The following NFATC2 variants were observed in gnomAD, a reference collection of about 807,000 sequenced individuals.
The protein encoded by NFATC2 is nuclear factor of activated T cells 2.
A neutral mutation model predicts 87.3 loss-of-function variants in NFATC2; 22 were observed. The ratio of observed to expected loss-of-function variants is 0.25; its 90% CI spans 0.18 to 0.36. The LOEUF is 0.36. Among genes scored for constraint, NFATC2 ranks in the 10% least tolerant of loss-of-function variants. NFATC2 has a pLI of 1.00. For missense variants in NFATC2, 1,149 were observed against 1,259.1 expected, an observed-to-expected ratio of 0.91 and a Z score of 1.32; for synonymous variants, 565 against 542.2, an observed-to-expected ratio of 1.04 and a Z score of -0.58.
At position 51,424,388 on chromosome 20, in the gene NFATC2, G is replaced by C. The variant is rs907957075; in HGVS notation, c.2722+7679C>G. The stretch of plus-strand genomic sequence containing the variant: ...AGCTCACAACTGACAAGGAAGAGGA[G>C]GAGGAGGAAAATGTCACTGCGGTTA... On this transcript the variant is annotated intron_variant, in intron 9 of 10. Coordinates refer to ENST00000371564, the MANE Select transcript of NFATC2 (RefSeq NM_012340.5). Among the ~76,000 whole-genome samples the C allele has an allele frequency of 2.0e-4, 30 of 152,204 alleles. 1 individual carries two copies. The highest frequency in any genetic ancestry group is 1.3e-4 in the Non-Finnish European group (9 of 68,030).
chr20:51,550,237 A>C (rs1456962731), intron 1 of NFATC2, among the ~76,000 whole-genome samples: 1 of 152,172 alleles, frequency 6.6e-6, no homozygotes, highest in East Asian at 1.9e-4. Flanking sequence ...TTGAGGCTGC[A>C]GTGAGCCATG....
chr20:51,446,048 T>A (rs6096434), intron 6 of NFATC2, among the ~76,000 whole-genome samples: 211 of 152,322 alleles, frequency 1.4e-3, no homozygotes, highest in African/African-American at 4.6e-3. Flanking sequence ...CCTCCACTGA[T>A]GAACTCTGTC....
Position 51,475,722 on chromosome 20 carries a change from A to G in NFATC2, c.1333-62T>C, listed in dbSNP as rs575397311. On this transcript the variant is annotated intron_variant, in intron 3 of 10. Coordinates refer to ENST00000371564, the MANE Select transcript of NFATC2 (RefSeq NM_012340.5). ...GTGTGGTGGCTCTAATCCAATAAAC[A>G]AAAAAAGACCAGAGAGCTCATGGGC... 737 of 1,512,842 alleles carry G rather than the reference A, an allele frequency of 4.9e-4. 1 individual carries two copies. The highest frequency in any genetic ancestry group is 5.2e-4 in the Non-Finnish European group (570 of 1,102,666). The allele number at this position is 1,512,842 out of a possible 1,614,324, so 93.7% of individuals were successfully genotyped here. A position where few individuals can be genotyped will look rare whatever the true frequency, so the allele number is the denominator to read the frequency against.
Position 51,457,345 on chromosome 20 carries a change from A to G in NFATC2, c.1709-2657T>C, listed in dbSNP as rs370677795. On this transcript the variant is annotated intron_variant, in intron 5 of 10. Coordinates refer to ENST00000371564, the MANE Select transcript of NFATC2 (RefSeq NM_012340.5). ...AAGCCTGAGTCATCGCTACTGGGCA[A>G]GCCAGCCCAAGGCTTGCAGCCAGGA... 2.8e-4 allele frequency among the ~76,000 whole-genome samples: 43 copies of G among 152,304 alleles called. 1 individual carries two copies. The South Asian group carries it at 8.7e-3, about 31-fold the overall frequency.
intron 1 of NFATC2, 106 bp downstream of exon 1, chr20:51,542,264 C>A (rs1196181305): frequency 1.4e-6 from 2 of 1,399,088 alleles, no homozygotes; most frequent in Non-Finnish European, 9.5e-7. Flanking sequence ...CCCTCCAGGC[C>A]CCTTAGGAAG....
At chr20:51,520,366 G>A (rs961455472) in intron 2 of NFATC2, among the ~76,000 whole-genome samples, 1 of 151,724 alleles carries the variant, frequency 6.6e-6, no homozygotes, top group Non-Finnish European at 1.5e-5. Flanking sequence ...TGATCATGGG[G>A]CTTGTCACTT....
intron 10 of NFATC2, among the ~76,000 whole-genome samples, chr20:51,391,779 G>C (rs1986380024): frequency 1.3e-5 from 2 of 152,084 alleles, no homozygotes; most frequent in South Asian, 4.2e-4. Context: ...GCCTCCCAAA[G>C]TGTTGGGATT....
chr20:51,398,944 A>G (rs1049090607), intron 9 of NFATC2: 5 of 546,036 alleles, frequency 9.2e-6, no homozygotes, highest in African/African-American at 5.7e-5. Flanking sequence ...GACTCTGTGC[A>G]AAGTGCATTA....
chr20:51,401,605 T>A (rs923980983), intron 9 of NFATC2, among the ~76,000 whole-genome samples: 1 of 152,082 alleles, frequency 6.6e-6, no homozygotes, highest in African/African-American at 2.4e-5. Flanking sequence ...TACTACATGG[T>A]CCCTAAGTGT....
At chr20:51,542,040 G>T (rs547817131) in intron 1 of NFATC2, among the ~76,000 whole-genome samples, 109 of 152,258 alleles carry the variant, frequency 7.2e-4, no homozygotes, top group Admixed American at 1.3e-3. Flanking sequence ...CCCTTTGACA[G>T]CCCAGTCCCA....
chr20:51,482,381 T>C (rs1989336173), intron 3 of NFATC2, among the ~76,000 whole-genome samples: 1 of 151,702 alleles, frequency 6.6e-6, no homozygotes, highest in Non-Finnish European at 1.5e-5. Flanking sequence ...TTTTTTTTGG[T>C]GTAAAGTACT....
rs565970663 is a variant in NFATC2, at chr20:51,504,180, A to AC, written c.1332+12603dup. 1.3e-4 allele frequency among the ~76,000 whole-genome samples: 20 copies of AC among 152,134 alleles called. No homozygotes were observed. The East Asian group carries it at 3.5e-3, about 26-fold the overall frequency. ...TAGGATTACAGGCATGCACCACCAC[A>AC]CCCAGCTAATTTTGTATTTTTAGTA... On this transcript the variant is annotated intron_variant, in intron 3 of 10. Coordinates refer to ENST00000371564, the MANE Select transcript of NFATC2 (RefSeq NM_012340.5).
At chr20:51,394,875 G>T (rs1419930875) in intron 10 of NFATC2, among the ~76,000 whole-genome samples, 1 of 152,102 alleles carries the variant, frequency 6.6e-6, no homozygotes, top group Non-Finnish European at 1.5e-5. Flanking sequence ...CCTCTTCCTG[G>T]AAGCCGCCCC....
At chr20:51,560,814 C>CA (rs759997565) in intron 1 of NFATC2, among the ~76,000 whole-genome samples, 2 of 152,198 alleles carry the variant, frequency 1.3e-5, no homozygotes, top group Non-Finnish European at 2.9e-5. Flanking sequence ...AACACGCGCA[C>CA]ACAAAATACC....
At chr20:51,517,247 ATTAT>A (rs2076366611) in intron 2 of NFATC2, among the ~76,000 whole-genome samples, 1 of 152,160 alleles carries the variant, frequency 6.6e-6, no homozygotes, top group South Asian at 2.1e-4. Flanking sequence ...CACAATGGGA[ATTAT>A]TTGAGTATCT....
At chr20:51,448,300 C>A (rs1985331640) in intron 6 of NFATC2, among the ~76,000 whole-genome samples, 1 of 152,144 alleles carries the variant, frequency 6.6e-6, no homozygotes, top group South Asian at 2.1e-4. Flanking sequence ...GAGGAAGTGA[C>A]CTTTGAGCTG....
chr20:51,428,226 C>A (rs1982149942), intron 9 of NFATC2, among the ~76,000 whole-genome samples: 1 of 152,024 alleles, frequency 6.6e-6, no homozygotes, highest in Admixed American at 6.6e-5. Context: ...TCCCCAGGTA[C>A]AATTTGGGGC....
chr20:51,475,734 G>C, intron 3 of NFATC2, 74 bp from the exon 4 acceptor site: 1 of 1,422,386 alleles, frequency 7.0e-7, no homozygotes, highest in Non-Finnish European at 9.7e-7. Context: ...AAAAAGACCA[G>C]AGAGCTCATG....
At chr20:51,492,617 C>T (rs1396836924) in intron 3 of NFATC2, among the ~76,000 whole-genome samples, 1 of 152,250 alleles carries the variant, frequency 6.6e-6, no homozygotes, top group Non-Finnish European at 1.5e-5. Context: ...CTCTGCGCGG[C>T]TTCAAAGGGC....
Sources: gnomAD v4.1 joint callset for allele counts (sites outside exome capture counted in the v4.1 genomes callset) on GRCh38, gnomAD v4.1.1 for gene constraint, MANE v1.5 for transcripts, NCBI Gene and HGNC (gene_info 2026-07-23, HGNC 2026-07-21) for gene names.